The following CARMIL1 variants were observed in gnomAD, a reference collection of about 807,000 sequenced individuals.
CARMIL1 encodes F-actin-uncapping protein LRRC16A.
Under a neutral mutation model 177.1 loss-of-function variants are expected in CARMIL1, and 90 were observed. The observed-to-expected ratio is 0.51, with a 90% confidence interval of 0.43 to 0.61. The LOEUF (loss-of-function observed/expected upper bound fraction) is 0.61, where lower values mean the gene tolerates loss of function less well. CARMIL1 is among the 20% of genes least tolerant of loss of function. The probability of loss-of-function intolerance (pLI) is 0.00; values close to 1 mark genes in which losing one functional copy is unlikely to be tolerated. For synonymous variants in CARMIL1, 577 were observed against 606.2 expected (o/e 0.95, Z 0.71); for missense variants, 1,380 against 1,667.0 (o/e 0.83, Z 3.00).
intron 11 of CARMIL1, among the ~76,000 whole-genome samples, chr6:25,476,950 G>A (rs148820551): frequency 1.4e-3 from 219 of 152,002 alleles, no homozygotes; most frequent in Admixed American, 2.2e-3. Context: ...TTAGCTGGGT[G>A]TGGTGGTGTG....
At chr6:25,484,193 T>G (rs961994627) in intron 12 of CARMIL1, among the ~76,000 whole-genome samples, 1 of 152,232 alleles carries the variant, frequency 6.6e-6, no homozygotes, top group African/African-American at 2.4e-5. Flanking sequence ...CCATCACATT[T>G]GATTGTGTCT....
At chr6:25,525,957 G>A (rs918233786) in intron 23 of CARMIL1, among the ~76,000 whole-genome samples, 5 of 152,044 alleles carry the variant, frequency 3.3e-5, no homozygotes, top group African/African-American at 1.2e-4. Context: ...TGGTAGATAT[G>A]AATCCTACTA....
intron 2 of CARMIL1, among the ~76,000 whole-genome samples, chr6:25,418,965 T>G (rs1239091057): frequency 6.6e-6 from 1 of 152,204 alleles, no homozygotes; most frequent in African/African-American, 2.4e-5. Flanking sequence ...GACATATGAT[T>G]ATTCAAAGAA....
intron 17 of CARMIL1, among the ~76,000 whole-genome samples, chr6:25,507,928 TG>T (rs1249061844): frequency 6.6e-6 from 1 of 152,192 alleles, no homozygotes; most frequent in East Asian, 1.9e-4. Context: ...ACTATTTTTA[TG>T]TTTTTTTAAA....
At chr6:25,452,059 A>C (rs1475552905) in intron 8 of CARMIL1, 1 of 627,162 alleles carries the variant, frequency 1.6e-6, no homozygotes. Context: ...CCAGAATTGC[A>C]GTGTGGTCCC....
intron 2 of CARMIL1, among the ~76,000 whole-genome samples, chr6:25,288,528 A>G (rs541448145): frequency 7.0e-6 from 1 of 143,836 alleles, no homozygotes; most frequent in Non-Finnish European, 1.5e-5. Flanking sequence ...TTATAACAGT[A>G]TCTATTGGTA....
At chr6:25,290,033 G>A (rs1781817771) in intron 2 of CARMIL1, among the ~76,000 whole-genome samples, 1 of 152,156 alleles carries the variant, frequency 6.6e-6, no homozygotes, top group Non-Finnish European at 1.5e-5. Flanking sequence ...CCATTATATG[G>A]TTTTACCAGC....
At chr6:25,548,189 T>A (rs1809705754) in intron 26 of CARMIL1, among the ~76,000 whole-genome samples, 1 of 152,216 alleles carries the variant, frequency 6.6e-6, no homozygotes, top group Admixed American at 6.5e-5. Context: ...TAAAGAATAA[T>A]AATTTTGACA....
chr6:25,459,210 T>TTTTCTTACTTTCTTTCTTTCTTTC (rs1799795844), intron 8 of CARMIL1, among the ~76,000 whole-genome samples: 3 of 80,136 alleles, frequency 3.7e-5, no homozygotes, highest in Non-Finnish European at 7.5e-5. Context: ...GATCCCAACT[T>TTTTCTTACTTTCTTTCTTTCTTTC]TTTCTTTCTT....
chr6:25,482,482 G>A, intron 12 of CARMIL1, 139 bp downstream of exon 12: 1 of 485,986 alleles, frequency 2.1e-6, no homozygotes, highest in Admixed American at 4.2e-5. Context: ...TACTCTGGCA[G>A]TTTGAAGATA....
chr6:25,558,609 T>A lies in CARMIL1; in HGVS notation c.2742+1759T>A, dbSNP rs1423969613. On this transcript the variant is annotated intron_variant, in intron 29 of 36. Transcript: ENST00000329474. The surrounding 1 kb of genome is among the most constrained non-coding windows in gnomAD (Gnocchi z 4.1). ...CAGGCACAGCCCCTGTGAGTCAGCATCCATTGTAAAAACATTCATGTTGCC... is the reference window on the plus strand; with the variant it reads ...CAGGCACAGCCCCTGTGAGTCAGCAACCATTGTAAAAACATTCATGTTGCC... 1.3e-5 allele frequency among the ~76,000 whole-genome samples: 2 copies of A among 152,220 alleles called. No homozygotes were observed. The highest frequency in any genetic ancestry group is 4.8e-5 in the African/African-American group (2 of 41,454).
At chr6:25,396,350 A>AT (rs57357476) in intron 2 of CARMIL1, among the ~76,000 whole-genome samples, 17 of 145,320 alleles carry the variant, frequency 1.2e-4, no homozygotes, top group South Asian at 2.2e-4. Context: ...TCATGTTTTA[A>AT]TTTTTTTTTT....
At chr6:25,555,270 T>C (rs531344378) in intron 28 of CARMIL1, among the ~76,000 whole-genome samples, 1 of 152,226 alleles carries the variant, frequency 6.6e-6, no homozygotes, top group South Asian at 2.1e-4. Context: ...TATCACCACA[T>C]TGAATGTAAG....
chr6:25,446,581 G>A (rs1213111967), intron 5 of CARMIL1, among the ~76,000 whole-genome samples: 1 of 152,184 alleles, frequency 6.6e-6, no homozygotes, highest in East Asian at 1.9e-4. Context: ...AAAACTTTCT[G>A]CATCTCAGGG....
At chr6:25,455,651 A>G (rs1370236658) in intron 8 of CARMIL1, among the ~76,000 whole-genome samples, 18 of 152,226 alleles carry the variant, frequency 1.2e-4, no homozygotes, top group Admixed American at 1.0e-3. Flanking sequence ...GTTTGAAGCC[A>G]TGGCTAAATT....
intron 36 of CARMIL1, among the ~76,000 whole-genome samples, chr6:25,611,537 A>T (rs963156019): frequency 1.3e-5 from 2 of 152,184 alleles, no homozygotes; most frequent in African/African-American, 4.8e-5. Context: ...TGCTGACTTT[A>T]CATCTTTACT....
At chr6:25,346,226 C>G (rs1394957951) in intron 2 of CARMIL1, among the ~76,000 whole-genome samples, 1 of 152,186 alleles carries the variant, frequency 6.6e-6, no homozygotes, top group Non-Finnish European at 1.5e-5. Context: ...CTCCATTACC[C>G]TCTGGCTTCA....
intron 2 of CARMIL1, among the ~76,000 whole-genome samples, chr6:25,358,438 A>T (rs1410794606): frequency 6.6e-6 from 1 of 152,200 alleles, no homozygotes; most frequent in Non-Finnish European, 1.5e-5. Flanking sequence ...CATTACTTTT[A>T]TGTGATGCAT....
intron 26 of CARMIL1, among the ~76,000 whole-genome samples, chr6:25,540,558 A>G (rs1279707989): frequency 6.6e-6 from 1 of 152,180 alleles, no homozygotes; most frequent in African/African-American, 2.4e-5. Context: ...GGTTGCAGAG[A>G]CCTGCCTATA....
Sources: allele counts gnomAD v4.1 joint callset (sites outside exome capture counted in the v4.1 genomes callset), GRCh38; gene constraint gnomAD v4.1.1; non-coding constraint Gnocchi (gnomAD v3.1); transcripts MANE v1.5; gene names NCBI Gene and HGNC (gene_info 2026-07-23, HGNC 2026-07-21).